COL22A1: variants seen among roughly 807,000 people sequenced by gnomAD.
The protein encoded by COL22A1 is collagen alpha-1(XXII) chain.
COL22A1 carries 221 observed loss-of-function variants against 248.9 expected under a neutral mutation model. That is an observed-to-expected ratio of 0.89 (90% CI 0.80 to 0.99). COL22A1 has a LOEUF of 0.99. COL22A1 is among the 50% of genes least tolerant of loss of function. COL22A1 has a pLI of 0.00. For synonymous variants in COL22A1, 891 were observed against 793.4 expected, an observed-to-expected ratio of 1.12 and a Z score of -2.07; for missense variants, 2,240 against 2,179.0, an observed-to-expected ratio of 1.03 and a Z score of -0.56.
At chr8:138,827,019 A>G (rs1335841778) in intron 5 of COL22A1, among the ~76,000 whole-genome samples, 1 of 152,026 alleles carries the variant, frequency 6.6e-6, no homozygotes, top group Non-Finnish European at 1.5e-5. Context: ...ATCCATCCCT[A>G]TGGTGCGTCT....
rs202155437 is a variant in COL22A1 at position 138,819,703 on chromosome 8, TATA to T, written c.1245+1430_1245+1432del. 4.8e-3 allele frequency among the ~76,000 whole-genome samples: 709 copies of T among 148,272 alleles called. 3 individuals carry two copies. The highest frequency in any genetic ancestry group is 0.016 in the African/African-American group (664 of 40,884). On this transcript the variant is annotated intron_variant, in intron 7 of 64. Transcript: ENST00000303045. Reference sequence around the variant, plus strand: ...TGTCTATAATGTATGTATATGTTTATATAATGTTTATATATTATATATAATTTA... The same window carrying T: ...TGTCTATAATGTATGTATATGTTTATATGTTTATATATTATATATAATTTA...
chr8:138,725,752 GACACACACAC>G (rs66497386), intron 23 of COL22A1, among the ~76,000 whole-genome samples: 5,157 of 148,624 alleles, frequency 0.035, 162 homozygotes, highest in African/African-American at 0.085. Flanking sequence ...CACATGTGCA[GACACACACAC>G]ACACACACAC....
intron 45 of COL22A1, among the ~76,000 whole-genome samples, chr8:138,651,958 G>A (rs1163199128): frequency 6.6e-6 from 1 of 152,218 alleles, no homozygotes; most frequent in African/African-American, 2.4e-5. Flanking sequence ...TGCATACTAT[G>A]CAGGATTATT....
intron 7 of COL22A1, 70 bp downstream of exon 7, chr8:138,821,066 G>A (rs949712731): frequency 1.3e-6 from 2 of 1,532,794 alleles, no homozygotes; most frequent in Non-Finnish European, 1.8e-6. Flanking sequence ...GAACACTGAG[G>A]GCACTTAGCT....
At chr8:138,712,791 G>A (rs1341373475) in intron 30 of COL22A1, among the ~76,000 whole-genome samples, 1 of 151,800 alleles carries the variant, frequency 6.6e-6, no homozygotes, top group African/African-American at 2.4e-5. Flanking sequence ...TCTATCAGTA[G>A]AGGGTATGTA....
chr8:138,814,919 C>T (rs937448666), intron 7 of COL22A1, among the ~76,000 whole-genome samples: 1 of 152,152 alleles, frequency 6.6e-6, no homozygotes, highest in South Asian at 2.1e-4. Context: ...TGGCTGTGTC[C>T]CCACCCAAAT....
At position 138,602,107 on chromosome 8, in the gene COL22A1, C is replaced by T; in HGVS notation, c.4185+8G>A. The T allele has an allele frequency of 6.2e-7, 1 of 1,614,114 alleles. No individual in the cohort carries two copies. On this transcript the variant is annotated splice_region_variant and intron_variant, in intron 60 of 64. Transcript: ENST00000303045. The stretch of plus-strand genomic sequence containing the variant: ...GGCGTGTTCAAGGTGCCTGTGCTCT[C>T]CACTCACCCTTTCTCCTTTGAATCC...
intron 9 of COL22A1, 150 bp from the exon 10 acceptor site, chr8:138,807,962 A>G: frequency 1.4e-6 from 1 of 727,266 alleles, no homozygotes; most frequent in Non-Finnish European, 2.3e-6. Flanking sequence ...AAATTGGTTG[A>G]CTGTGCTGAA....
At chr8:138,690,792 C>T (rs750906584) in intron 36 of COL22A1, 29 bp downstream of exon 36, 28 of 1,583,726 alleles carry the variant, frequency 1.8e-5, no homozygotes, top group East Asian at 6.9e-5. Flanking sequence ...GTGGCTGGGC[C>T]GTGCGTATGC....
chr8:138,602,101 T>G lies in COL22A1; in HGVS notation c.4185+14A>C. On this transcript the variant is annotated intron_variant, in intron 60 of 64. Coordinates refer to ENST00000303045, the MANE Select transcript of COL22A1 (RefSeq NM_152888.3). ...GCGTTCGGCGTGTTCAAGGTGCCTG[T>G]GCTCTCCACTCACCCTTTCTCCTTT... is the stretch of plus-strand genomic sequence containing the variant. The G allele has an allele frequency of 6.2e-7, 1 of 1,614,056 alleles. No homozygotes were observed.
chr8:138,630,906 T>C (rs1820667367), intron 49 of COL22A1, among the ~76,000 whole-genome samples, 158 bp from the exon 50 acceptor site: 1 of 152,202 alleles, frequency 6.6e-6, no homozygotes. Context: ...TGGGCCCTGG[T>C]GGGAGGTGAC....
intron 12 of COL22A1, among the ~76,000 whole-genome samples, chr8:138,787,138 T>C (rs1309978554): frequency 3.3e-5 from 5 of 152,044 alleles, no homozygotes; most frequent in East Asian, 1.9e-4. Context: ...CTCATCCAAG[T>C]GCATGGGATG....
chr8:138,763,713 C>T lies in COL22A1; in HGVS notation c.1804-1247G>A, dbSNP rs146020023. On this transcript the variant is annotated intron_variant, in intron 16 of 64. Transcript: ENST00000303045. ...CTCCTCAGACACAGCCACTTTGTTC[C>T]GGCTTCTGCCTTCCCTGCCTCCTAT... Among the ~76,000 whole-genome samples, 17 of 152,320 alleles carry T rather than the reference C, an allele frequency of 1.1e-4. No homozygotes were observed. The East Asian group carries it at 1.2e-3, about 10-fold the overall frequency.
chr8:138,690,429 A>C (rs1461184750), intron 36 of COL22A1, among the ~76,000 whole-genome samples: 1 of 152,172 alleles, frequency 6.6e-6, no homozygotes, highest in Non-Finnish European at 1.5e-5. Flanking sequence ...GACCTCAAGG[A>C]GGGGCTTGCC....
intron 17 of COL22A1, among the ~76,000 whole-genome samples, chr8:138,761,633 G>A (rs555484979): frequency 6.6e-6 from 1 of 151,864 alleles, no homozygotes; most frequent in East Asian, 1.9e-4. Flanking sequence ...TATATTAATT[G>A]ATGTATATGT....
chr8:138,805,603 G>A (rs1052451712), intron 10 of COL22A1, among the ~76,000 whole-genome samples: 3 of 145,902 alleles, frequency 2.1e-5, no homozygotes, highest in African/African-American at 8.0e-5. Flanking sequence ...GTTTGTGATG[G>A]TGTGGGACGG....
intron 11 of COL22A1, among the ~76,000 whole-genome samples, chr8:138,802,009 G>A (rs1344992019): frequency 2.6e-5 from 4 of 152,162 alleles, no homozygotes; most frequent in African/African-American, 9.7e-5. Flanking sequence ...CTATGCAGGA[G>A]GGCAGAGGTT....
chr8:138,796,934 C>T (rs892234455), intron 11 of COL22A1, 77 bp from the exon 12 acceptor site: 25 of 951,760 alleles, frequency 2.6e-5, no homozygotes, highest in South Asian at 6.5e-5. Context: ...AACATCATCC[C>T]GAGATTTGAA....
chr8:138,664,891 C>T (rs1824357811), intron 41 of COL22A1, among the ~76,000 whole-genome samples: 1 of 152,060 alleles, frequency 6.6e-6, no homozygotes, highest in East Asian at 1.9e-4. Context: ...CCTGCCCTAG[C>T]AACGCCAGGA....
Sources: allele counts gnomAD v4.1 joint callset (sites outside exome capture counted in the v4.1 genomes callset), GRCh38; gene constraint gnomAD v4.1.1; transcripts MANE v1.5; gene names NCBI Gene and HGNC (gene_info 2026-07-23, HGNC 2026-07-21).